Variants in CCNY observed in about 807,000 individuals in gnomAD.
The protein encoded by CCNY is cyclin-Y.
In CCNY, 19 loss-of-function variants were observed where a neutral mutation model predicts 42.8. The observed-to-expected ratio is 0.44, with a 90% confidence interval of 0.31 to 0.65. The LOEUF (loss-of-function observed/expected upper bound fraction) is 0.65. Ranked by LOEUF, CCNY falls within the 30% of genes least tolerant of loss-of-function variation. The pLI, the probability that CCNY is intolerant of heterozygous loss-of-function variation, is 0.07. For missense variants in CCNY, 370 were observed against 437.3 expected (o/e 0.85, Z 1.37); for synonymous variants, 165 against 162.7 (o/e 1.01, Z -0.11).
At chr10:35,413,079 TAAG>T (rs1176668276) in intron 1 of CCNY, among the ~76,000 whole-genome samples, 51 of 151,834 alleles carry the variant, frequency 3.4e-4, no homozygotes, top group Non-Finnish European at 1.2e-4. Context: ...GTTGGAGAGA[TAAG>T]AAGGAAGGAA....
rs768034092 is a variant in CCNY, at chr10:35,557,883, T to A, written c.746+4698T>A. ...TTATATTTTTGTGTATGATGATTAT[T>A]GAAACCAGGCTGAGCATCAGTTTTA... On this transcript the variant is annotated intron_variant, in intron 8 of 9. Transcript: ENST00000374704. 3.2e-4 allele frequency among the ~76,000 whole-genome samples: 49 copies of A among 152,252 alleles called. 2 individuals carry two copies. Among genetic ancestry groups the A allele is most frequent in the Admixed American group, 3.2e-3 (49 of 15,284 alleles).
intron 2 of CCNY, among the ~76,000 whole-genome samples, chr10:35,489,439 T>G (rs1374894639): frequency 2.0e-5 from 3 of 152,122 alleles, no homozygotes; most frequent in Non-Finnish European, 4.4e-5. Context: ...TAGCTGGGAC[T>G]ACAGGCGCCC....
At chr10:35,543,150 C>T (rs1290068508) in intron 7 of CCNY, among the ~76,000 whole-genome samples, 1 of 152,166 alleles carries the variant, frequency 6.6e-6, no homozygotes, top group Non-Finnish European at 1.5e-5. Context: ...TCGGGTGCAG[C>T]CTGCCATTTG....
intron 1 of CCNY, among the ~76,000 whole-genome samples, chr10:35,436,830 A>G (rs768360502): frequency 7.2e-5 from 11 of 152,138 alleles, no homozygotes; most frequent in Non-Finnish European, 1.0e-4. Context: ...TTCATGATCT[A>G]TAATATTCAG....
chr10:35,565,059 T>A (rs1841541625), intron 8 of CCNY, among the ~76,000 whole-genome samples: 1 of 152,178 alleles, frequency 6.6e-6, no homozygotes, highest in Non-Finnish European at 1.5e-5. Context: ...CCAGGACCAG[T>A]GCTCCACAGA....
At position 35,409,089 on chromosome 10, in the gene CCNY, A is replaced by G. The variant is rs76362789; in HGVS notation, c.154+71882A>G. ...GGCAAAGAAATGAAGTACATTAAGG[A>G]GGCCTTTTTTTTCCTCCAATGGCTG... On this transcript the variant is annotated intron_variant, in intron 1 of 9. Coordinates refer to ENST00000374704, the MANE Select transcript of CCNY (RefSeq NM_145012.6). 6.6e-5 allele frequency among the ~76,000 whole-genome samples: 10 copies of G among 152,208 alleles called. No homozygotes were observed. The East Asian group carries it at 1.9e-3, about 29-fold the overall frequency.
intron 5 of CCNY, 102 bp downstream of exon 5, chr10:35,526,101 C>G: frequency 1.0e-6 from 1 of 999,134 alleles, no homozygotes; most frequent in South Asian, 1.6e-5. Context: ...ATTATACTTT[C>G]TTAACTCATA....
At chr10:35,272,498 C>T (rs991021503) in intron 3 of CCNY, among the ~76,000 whole-genome samples, 13 of 152,196 alleles carry the variant, frequency 8.5e-5, no homozygotes, top group African/African-American at 2.7e-4. Flanking sequence ...TTAGCTCCCA[C>T]ATATAAGTGA....
At chr10:35,447,105 G>A (rs752735367) in intron 1 of CCNY, among the ~76,000 whole-genome samples, 5 of 152,104 alleles carry the variant, frequency 3.3e-5, no homozygotes, top group African/African-American at 4.8e-5. Context: ...GTGAAACCCC[G>A]TCTCTACTAA....
intron 1 of CCNY, among the ~76,000 whole-genome samples, chr10:35,373,072 A>T (rs1836973722): frequency 6.6e-6 from 1 of 152,254 alleles, no homozygotes; most frequent in African/African-American, 2.4e-5. Context: ...AAATCCAGGG[A>T]TAATTTTAAA....
chr10:35,566,375 C>A, intron 9 of CCNY, 190 bp downstream of exon 9: 1 of 631,316 alleles, frequency 1.6e-6, no homozygotes, highest in Non-Finnish European at 2.6e-6. Context: ...GACGGAGTCT[C>A]GCTCTGTCAC....
At chr10:35,474,275 C>T (rs968880483) in intron 1 of CCNY, among the ~76,000 whole-genome samples, 7 of 152,212 alleles carry the variant, frequency 4.6e-5, no homozygotes, top group Admixed American at 2.6e-4. Context: ...CCTGGAAGCT[C>T]GAACTGGGTG....
chr10:35,441,493 G>A (rs867342939), intron 1 of CCNY, among the ~76,000 whole-genome samples: 7 of 152,302 alleles, frequency 4.6e-5, no homozygotes, highest in Middle Eastern at 6.8e-3. Context: ...GAGGCTGGGC[G>A]CAGTGGCTGC....
chr10:35,524,983 G>A (rs1302245230), intron 4 of CCNY, among the ~76,000 whole-genome samples: 1 of 152,134 alleles, frequency 6.6e-6, no homozygotes, highest in African/African-American at 2.4e-5. Context: ...ATTATAGGAT[G>A]TATCCTTGTG....
intron 1 of CCNY, among the ~76,000 whole-genome samples, chr10:35,365,272 G>C (rs1251790623): frequency 6.6e-6 from 1 of 152,220 alleles, no homozygotes; most frequent in Non-Finnish European, 1.5e-5. Context: ...TACTCAGCTA[G>C]AGAAGAAGAT....
chr10:35,494,109 C>T (rs1839956396), intron 2 of CCNY, among the ~76,000 whole-genome samples: 1 of 151,888 alleles, frequency 6.6e-6, no homozygotes, highest in Admixed American at 6.6e-5. Flanking sequence ...TGGACCCCCA[C>T]ATCTTAGAGT....
At chr10:35,413,532 G>T (rs1300221429) in intron 1 of CCNY, among the ~76,000 whole-genome samples, 1 of 152,234 alleles carries the variant, frequency 6.6e-6, no homozygotes, top group Non-Finnish European at 1.5e-5. Flanking sequence ...ATTAGAATGG[G>T]TGAAATTGCA....
chr10:35,384,121 A>G (rs1177220090), intron 1 of CCNY, among the ~76,000 whole-genome samples: 1 of 152,166 alleles, frequency 6.6e-6, no homozygotes, highest in African/African-American at 2.4e-5. Flanking sequence ...ATATTTTAGC[A>G]GAATAGCTAT....
At chr10:35,483,545 T>C in intron 2 of CCNY, 67 bp downstream of exon 2, 1 of 971,562 alleles carries the variant, frequency 1.0e-6, no homozygotes, top group Non-Finnish European at 1.6e-6. Flanking sequence ...TAGTGTTGAT[T>C]TCCCACAGGA....
Sources: gnomAD v4.1 joint callset for allele counts (sites outside exome capture counted in the v4.1 genomes callset) on GRCh38, gnomAD v4.1.1 for gene constraint, MANE v1.5 for transcripts, NCBI Gene and HGNC (gene_info 2026-07-23, HGNC 2026-07-21) for gene names.